Variants in TMEFF1 observed in about 807,000 individuals in gnomAD.
TMEFF1 encodes the protein transmembrane protein with EGF like and two follistatin like domains 1, also known as tomoregulin-1.
Under a neutral mutation model 47.5 loss-of-function variants are expected in TMEFF1, and 20 were observed. The ratio of observed to expected loss-of-function variants is 0.42; its 90% CI spans 0.30 to 0.61. The LOEUF is 0.61. TMEFF1 is among the 20% of genes least tolerant of loss of function. The pLI is 0.19. For missense variants in TMEFF1, 411 were observed against 471.1 expected (o/e 0.87, Z 1.18); for synonymous variants, 162 against 166.3 (o/e 0.97, Z 0.20).
chr9:100,480,780 T>C (rs1164169257), intron 1 of TMEFF1, among the ~76,000 whole-genome samples: 2 of 152,350 alleles, frequency 1.3e-5, no homozygotes, highest in South Asian at 2.1e-4. Context: ...ATAGATATCA[T>C]TTTAAATGGT....
chr9:100,487,980 T>C (rs1023687995), intron 1 of TMEFF1, among the ~76,000 whole-genome samples: 1 of 152,038 alleles, frequency 6.6e-6, no homozygotes, highest in Non-Finnish European at 1.5e-5. Flanking sequence ...GCTGTGTAGA[T>C]TTTCATCTTT....
At chr9:100,530,689 C>T (rs1838359885) in intron 5 of TMEFF1, among the ~76,000 whole-genome samples, 1 of 152,156 alleles carries the variant, frequency 6.6e-6, no homozygotes, top group African/African-American at 2.4e-5. Context: ...CCTTCTGAAA[C>T]TATTCCAATC....
At chr9:100,537,071 A>C (rs1838527449) in intron 5 of TMEFF1, among the ~76,000 whole-genome samples, 1 of 152,202 alleles carries the variant, frequency 6.6e-6, no homozygotes, top group Non-Finnish European at 1.5e-5. Context: ...GATAAATGTG[A>C]AGTCCTAACC....
intron 8 of TMEFF1, among the ~76,000 whole-genome samples, chr9:100,569,154 G>A (rs550436435): frequency 7.9e-5 from 12 of 152,280 alleles, no homozygotes; most frequent in South Asian, 6.2e-4. Flanking sequence ...CTGCCAGACC[G>A]TTTTCCAAAG....
At chr9:100,474,300 C>G (rs1837180385) in intron 1 of TMEFF1, among the ~76,000 whole-genome samples, 1 of 151,066 alleles carries the variant, frequency 6.6e-6, no homozygotes, top group East Asian at 2.0e-4. Flanking sequence ...CTTGAGGACG[C>G]GGTTTGGCGA....
In TMEFF1 at chr9:100,568,566, TCCTC is replaced by T. The variant is rs1224624954; in HGVS notation, c.900-3942_900-3939del. On this transcript the variant is annotated intron_variant, in intron 8 of 9. Coordinates refer to ENST00000374879, the MANE Select transcript of TMEFF1 (RefSeq NM_003692.5). The stretch of plus-strand genomic sequence containing the variant: ...TGGAGATTGTATTTTGTGTCAACTG[TCCTC>T]CCTCCCTCCTTCCTTCCCTCCCTCT... Among the ~76,000 whole-genome samples, 35 of 149,334 alleles carry T rather than the reference TCCTC, an allele frequency of 2.3e-4. 1 individual carries two copies. The Admixed American group carries it at 2.4e-3, about 10-fold the overall frequency.
chr9:100,479,207 G>A (rs1383164411), intron 1 of TMEFF1, among the ~76,000 whole-genome samples: 1 of 152,126 alleles, frequency 6.6e-6, no homozygotes, highest in East Asian at 1.9e-4. Flanking sequence ...ACTGCGTAGT[G>A]TAATCTAATA....
intron 2 of TMEFF1, among the ~76,000 whole-genome samples, chr9:100,505,070 TAC>T (rs1486801478): frequency 1.3e-5 from 2 of 151,992 alleles, no homozygotes; most frequent in African/African-American, 2.4e-5. Flanking sequence ...TAGAAGAAAA[TAC>T]AGTCATCAGA....
chr9:100,558,301 G>A, intron 7 of TMEFF1, among the ~76,000 whole-genome samples: 1 of 152,098 alleles, frequency 6.6e-6, no homozygotes, highest in East Asian at 1.9e-4. Flanking sequence ...TATTATCATA[G>A]GTTGGTGCAT....
intron 7 of TMEFF1, among the ~76,000 whole-genome samples, chr9:100,560,147 C>A (rs1021094994): frequency 6.6e-6 from 1 of 151,830 alleles, no homozygotes; most frequent in Non-Finnish European, 1.5e-5. Context: ...TTTATTAATA[C>A]CTTTTATTTG....
intron 5 of TMEFF1, among the ~76,000 whole-genome samples, chr9:100,532,844 TC>T (rs1260073974): frequency 2.0e-5 from 3 of 151,944 alleles, no homozygotes; most frequent in Non-Finnish European, 2.9e-5. Flanking sequence ...AACCCAAATG[TC>T]CAACAATGAT....
chr9:100,532,180 G>T (rs1336403432), intron 5 of TMEFF1, among the ~76,000 whole-genome samples: 1 of 151,642 alleles, frequency 6.6e-6, no homozygotes, highest in Non-Finnish European at 1.5e-5. Context: ...CATAGGCATG[G>T]GCAAGGACTT....
chr9:100,562,064 A>G (rs1839027703), intron 8 of TMEFF1, among the ~76,000 whole-genome samples: 1 of 152,122 alleles, frequency 6.6e-6, no homozygotes, highest in African/African-American at 2.4e-5. Context: ...AGACTTTCCG[A>G]TACCCTACCT....
intron 2 of TMEFF1, among the ~76,000 whole-genome samples, chr9:100,505,325 T>C (rs191716197): frequency 7.3e-6 from 1 of 137,056 alleles, no homozygotes; most frequent in Admixed American, 8.6e-5. Context: ...GGCAGGAGAA[T>C]TGCATGAACC....
intron 1 of TMEFF1, among the ~76,000 whole-genome samples, chr9:100,484,443 C>A (rs534656495): frequency 6.6e-6 from 1 of 151,940 alleles, no homozygotes; most frequent in East Asian, 1.9e-4. Context: ...CTCAGACTCT[C>A]GAATAGCTGG....
chr9:100,507,516 G>A (rs1837884926), intron 2 of TMEFF1, among the ~76,000 whole-genome samples: 1 of 152,040 alleles, frequency 6.6e-6, no homozygotes, highest in Admixed American at 6.6e-5. Flanking sequence ...ACAAGCATCT[G>A]TTATTTTGAC....
At chr9:100,533,664 T>C (rs1441504933) in intron 5 of TMEFF1, among the ~76,000 whole-genome samples, 1 of 152,076 alleles carries the variant, frequency 6.6e-6, no homozygotes, top group African/African-American at 2.4e-5. Flanking sequence ...TTTTTTTCTG[T>C]TGTTCATTTT....
intron 8 of TMEFF1, among the ~76,000 whole-genome samples, chr9:100,563,063 G>A (rs952329064): frequency 2.0e-5 from 3 of 152,128 alleles, no homozygotes; most frequent in East Asian, 1.9e-4. Flanking sequence ...TGATCCGCCC[G>A]CCTTGGCCTC....
In TMEFF1 at chr9:100,577,346, G is replaced by A. The variant is rs1022842809; in HGVS notation, c.*746G>A. ...TTGTTTTAACATAAATAAACAAATC[G>A]TATCAGTGTTTGTGAATAAAATACA... On this transcript the variant is annotated 3_prime_UTR_variant, in exon 10 of 10. Coordinates refer to ENST00000374879, the MANE Select transcript of TMEFF1 (RefSeq NM_003692.5). 4.6e-5 allele frequency: 7 copies of A among 152,608 alleles called. No individual in the cohort carries two copies. Among genetic ancestry groups the A allele is most frequent in the South Asian group, 4.1e-4 (2 of 4,822 alleles). 9.5% of individuals were successfully genotyped at this position (152,608 alleles called of 1,614,324 possible).
Sources: gnomAD v4.1 joint callset for allele counts (sites outside exome capture counted in the v4.1 genomes callset) on GRCh38, gnomAD v4.1.1 for gene constraint, MANE v1.5 for transcripts, NCBI Gene and HGNC (gene_info 2026-07-23, HGNC 2026-07-21) for gene names.